Variants in COL24A1 observed in about 807,000 individuals in gnomAD.
COL24A1 encodes the protein collagen type XXIV alpha 1 chain, also known as collagen alpha-1(XXIV) chain.
COL24A1 carries 224 observed loss-of-function variants against 253.9 expected under a neutral mutation model. The ratio of observed to expected loss-of-function variants is 0.88; its 90% CI spans 0.79 to 0.99. The LOEUF (loss-of-function observed/expected upper bound fraction) is 0.99, where lower values mean the gene tolerates loss of function less well. Ranked by LOEUF, COL24A1 falls within the 50% of genes least tolerant of loss-of-function variation. The pLI is 0.00. For synonymous variants in COL24A1, 685 were observed against 673.7 expected (o/e 1.02, Z -0.26); for missense variants, 2,131 against 2,068.5 (o/e 1.03, Z -0.59).
intron 2 of COL24A1, among the ~76,000 whole-genome samples, chr1:86,137,098 A>G (rs1650371626): frequency 6.6e-6 from 1 of 152,124 alleles, no homozygotes; most frequent in Admixed American, 6.6e-5. Context: ...CCAAATTACA[A>G]TTAGGGGTTG....
chr1:85,743,708 A>T (rs1157450953), intron 57 of COL24A1, among the ~76,000 whole-genome samples: 3 of 152,188 alleles, frequency 2.0e-5, no homozygotes, highest in African/African-American at 4.8e-5. Context: ...AATGCCCTCA[A>T]ATATGGGAAA....
chr1:85,852,635 C>A (rs1249892370), intron 37 of COL24A1, among the ~76,000 whole-genome samples: 1 of 151,878 alleles, frequency 6.6e-6, no homozygotes, highest in East Asian at 1.9e-4. Flanking sequence ...TTATTTAGTT[C>A]TTTAATAAAT....
chr1:85,853,426 T>C (rs1678045301), intron 37 of COL24A1, among the ~76,000 whole-genome samples: 1 of 152,260 alleles, frequency 6.6e-6, no homozygotes, highest in African/African-American at 2.4e-5. Context: ...GGTGCTGCGC[T>C]GAAGATAAAT....
chr1:85,924,380 T>C (rs1686931109), intron 24 of COL24A1, among the ~76,000 whole-genome samples: 1 of 152,160 alleles, frequency 6.6e-6, no homozygotes, highest in East Asian at 1.9e-4. Context: ...AAGAGAATTT[T>C]AGACCAATAT....
intron 19 of COL24A1, among the ~76,000 whole-genome samples, chr1:85,992,997 G>C (rs542247301): frequency 6.6e-6 from 1 of 152,170 alleles, no homozygotes; most frequent in South Asian, 2.1e-4. Context: ...ACTGAGAAGA[G>C]TGACTCAGCA....
chr1:86,139,179 A>G (rs200960534), intron 2 of COL24A1, among the ~76,000 whole-genome samples: 17 of 146,358 alleles, frequency 1.2e-4, no homozygotes, highest in African/African-American at 3.0e-4. Flanking sequence ...AGAAGGAGAA[A>G]GGGGGGGGAG....
chr1:85,779,667 A>T (rs1668957047), intron 52 of COL24A1, among the ~76,000 whole-genome samples: 2 of 152,110 alleles, frequency 1.3e-5, no homozygotes, highest in Non-Finnish European at 2.9e-5. Context: ...ATTATATGCC[A>T]TTTTTGTTGT....
chr1:85,789,717 T>A (rs1670065409), intron 47 of COL24A1, among the ~76,000 whole-genome samples: 1 of 152,178 alleles, frequency 6.6e-6, no homozygotes, highest in African/African-American at 2.4e-5. Flanking sequence ...TATTTTGAGG[T>A]ATGTTCTGTC....
chr1:86,156,146 C>A, intron 1 of COL24A1, 195 bp downstream of exon 1: 1 of 543,900 alleles, frequency 1.8e-6, no homozygotes, highest in East Asian at 3.1e-5. Context: ...GATCTGCTGG[C>A]ACGAGGCATC....
At chr1:85,831,822 A>G (rs191441606) in intron 43 of COL24A1, among the ~76,000 whole-genome samples, 1 of 152,082 alleles carries the variant, frequency 6.6e-6, no homozygotes, top group East Asian at 1.9e-4. Flanking sequence ...TGAGAGGGCT[A>G]TGACTGGAGA....
chr1:85,868,661 T>C, intron 36 of COL24A1, 35 bp from the exon 37 acceptor site: 1 of 1,555,876 alleles, frequency 6.4e-7, no homozygotes, highest in South Asian at 1.1e-5. Context: ...TATAAAGGAA[T>C]ACAGTGAAAT....
In COL24A1 at chr1:86,022,840, C is replaced by A. The variant is rs894949609; in HGVS notation, c.2141G>T (p.Gly714Val). 3.8e-6 allele frequency: 6 copies of A among 1,572,076 alleles called. No homozygotes were observed. Among genetic ancestry groups the A allele is most frequent in the African/African-American group, 1.3e-5 (1 of 74,090 alleles). ...TATTAATATTTAAATCACCTTATCA[C>A]CTTTGATTCCAGGTAGTCCTTTATT... ...SGNKGLPGIKGDKGEQGTAGE... is the reference protein window; with the variant it reads ...SGNKGLPGIKVDKGEQGTAGE... Residue 714 changes from glycine (G) to valine (V), a missense_variant, in exon 16 of 60, where the codon GGT (glycine) becomes GTT (valine). Transcript: ENST00000370571.
rs150875434 is a variant in COL24A1 at position 85,887,143 on chromosome 1, C to T, written c.2976+2417G>A. Among the ~76,000 whole-genome samples, 60 of 152,254 alleles carry T rather than the reference C, an allele frequency of 3.9e-4. No homozygotes were observed. The East Asian group carries it at 0.011, about 28-fold the overall frequency. On this transcript the variant is annotated intron_variant, in intron 32 of 59. Transcript: ENST00000370571. ...AAATTTACAAGGGGATATTATAAAGCAAGCTTATGAAGAGTTAATTTTAGA... is the reference window on the plus strand; with the variant it reads ...AAATTTACAAGGGGATATTATAAAGTAAGCTTATGAAGAGTTAATTTTAGA...
intron 1 of COL24A1, among the ~76,000 whole-genome samples, chr1:86,148,816 G>A (rs1652314909): frequency 6.6e-6 from 1 of 152,114 alleles, no homozygotes; most frequent in South Asian, 2.1e-4. Flanking sequence ...ACATACGTGT[G>A]CATGTGTCTT....
In COL24A1 at chr1:85,744,745, G is replaced by A; in HGVS notation, c.4593C>T (p.Ile1531=). ...TATCTCGTGTGCCAAGAGGATTCTTGATGCTGTGCAATAAATTGCTAAGGT... is the reference window on the plus strand; with the variant it reads ...TATCTCGTGTGCCAAGAGGATTCTTAATGCTGTGCAATAAATTGCTAAGGT... ...LNYLSNLLHS[I]KNPLGTRDNP... is the part of the protein sequence containing the mutation. The change falls in exon 57 of 60, where the codon ATC becomes ATT. Residue 1531 remains isoleucine (I), a synonymous_variant. Transcript: ENST00000370571. 6.2e-7 allele frequency: 1 copy of A among 1,606,798 alleles called. No homozygotes were observed. The highest frequency in any genetic ancestry group is 8.5e-7 in the Non-Finnish European group (1 of 1,177,692).
At position 85,896,428 on chromosome 1, in the gene COL24A1, T is replaced by A. The variant is rs759364176; in HGVS notation, c.2779-19A>T. 6.2e-7 allele frequency: 1 copy of A among 1,600,050 alleles called. No homozygotes were observed. Among genetic ancestry groups the A allele is most frequent in the South Asian group, 1.1e-5 (1 of 90,638 alleles). The stretch of plus-strand genomic sequence containing the variant: ...TTGATCCCTAGAGGTGAAAAAAATA[T>A]CCTGTTGTTAATTTGAAATGTTCCT... On this transcript the variant is annotated intron_variant, in intron 28 of 59. Transcript: ENST00000370571.
intron 3 of COL24A1, among the ~76,000 whole-genome samples, chr1:86,120,499 C>T (rs1320974229): frequency 6.6e-6 from 1 of 152,194 alleles, no homozygotes; most frequent in Non-Finnish European, 1.5e-5. Flanking sequence ...ACAGACACTT[C>T]TCAAAAGAAG....
rs190770997 is a variant in COL24A1, at chr1:85,947,272, C to T, written c.2562+13977G>A. On this transcript the variant is annotated intron_variant, in intron 24 of 59. Coordinates refer to ENST00000370571, the MANE Select transcript of COL24A1 (RefSeq NM_152890.7). ...GATTGACAAGTATTTCAATCCAAGA[C>T]TTATTCACTAAATTTCTGCCATATG... 1.2e-3 allele frequency among the ~76,000 whole-genome samples: 190 copies of T among 152,220 alleles called. 2 individuals are homozygous for T. The highest frequency in any genetic ancestry group is 2.1e-4 in the Non-Finnish European group (14 of 68,010).
intron 24 of COL24A1, among the ~76,000 whole-genome samples, chr1:85,922,359 A>G (rs1686616646): frequency 6.6e-6 from 1 of 152,184 alleles, no homozygotes; most frequent in Non-Finnish European, 1.5e-5. Flanking sequence ...TCCAAGACAC[A>G]CAATTGTCAG....
Sources: allele counts gnomAD v4.1 joint callset (sites outside exome capture counted in the v4.1 genomes callset), GRCh38; gene constraint gnomAD v4.1.1; transcripts MANE v1.5; gene names NCBI Gene and HGNC (gene_info 2026-07-23, HGNC 2026-07-21).